Variants in PKHD1 observed in about 807,000 individuals in gnomAD.
PKHD1 encodes fibrocystin.
PKHD1 carries 291 observed loss-of-function variants against 412.0 expected under a neutral mutation model. The ratio of observed to expected loss-of-function variants is 0.71; its 90% CI spans 0.64 to 0.78. The LOEUF (loss-of-function observed/expected upper bound fraction) is 0.78. Ranked by LOEUF, PKHD1 falls within the 30% of genes least tolerant of loss-of-function variation. The pLI is 0.00. For missense variants in PKHD1, 4,825 were observed against 4,950.7 expected (o/e 0.97, Z 0.76); for synonymous variants, 1,777 against 1,821.5 (o/e 0.98, Z 0.62).
intron 60 of PKHD1, among the ~76,000 whole-genome samples, chr6:51,662,357 C>T (rs1284603588): frequency 1.3e-5 from 2 of 151,816 alleles, no homozygotes; most frequent in Non-Finnish European, 2.9e-5. Context: ...CGCACACACA[C>T]ATACAAGTAA....
At chr6:51,633,119 C>T (rs935708355) in intron 64 of PKHD1, among the ~76,000 whole-genome samples, 1 of 152,150 alleles carries the variant, frequency 6.6e-6, no homozygotes, top group African/African-American at 2.4e-5. Flanking sequence ...CTACTCAATA[C>T]GTGCCATATA....
Position 52,045,010 on chromosome 6 carries a change from G to A in PKHD1, c.2671C>T (p.Pro891Ser), listed in dbSNP as rs915359610. 6.2e-7 allele frequency: 1 copy of A among 1,613,626 alleles called. No homozygotes were observed. The highest frequency in any genetic ancestry group is 2.2e-5 in the East Asian group (1 of 44,874). ...VVYDGGVFLG[P>S]IFGDMLATAN... is the part of the protein sequence containing the mutation. ...GTAGCCAACATGTCTCCAAATATGG[G>A]TCCAAGAAAAACTCCACCATCATAT... The change falls in exon 25 of 67, where the codon CCC (proline) becomes TCC (serine). Residue 891 changes from proline (P) to serine (S), a missense_variant. Pro to Ser is a moderately conservative substitution (Grantham distance 74). Transcript: ENST00000371117.
intron 50 of PKHD1, among the ~76,000 whole-genome samples, chr6:51,841,028 A>C (rs1770095465): frequency 6.8e-6 from 1 of 147,526 alleles, no homozygotes; most frequent in Non-Finnish European, 1.5e-5. Context: ...AAAAATATTA[A>C]GTAAATAATC....
intron 33 of PKHD1, among the ~76,000 whole-genome samples, chr6:52,018,159 T>C (rs1246060411): frequency 6.6e-6 from 1 of 152,222 alleles, no homozygotes; most frequent in African/African-American, 2.4e-5. Flanking sequence ...CAATATTGTA[T>C]TGCATGAAAC....
intron 46 of PKHD1, among the ~76,000 whole-genome samples, chr6:51,881,959 T>A (rs4715253): frequency 6.6e-6 from 1 of 151,992 alleles, no homozygotes; most frequent in Non-Finnish European, 1.5e-5. Flanking sequence ...TTTTTGATTA[T>A]CTCATGATAG....
At chr6:51,684,358 T>G (rs1777137783) in intron 60 of PKHD1, among the ~76,000 whole-genome samples, 1 of 152,134 alleles carries the variant, frequency 6.6e-6, no homozygotes, top group Admixed American at 6.6e-5. Context: ...GGAGATTATT[T>G]GTTAATTGGA....
At chr6:51,726,305 T>C (rs1052100851) in intron 60 of PKHD1, among the ~76,000 whole-genome samples, 85 of 152,218 alleles carry the variant, frequency 5.6e-4, no homozygotes, top group Non-Finnish European at 2.8e-4. Flanking sequence ...AGCAGTTGTG[T>C]AGTAAATAAA....
chr6:51,890,239 A>T (rs968613934), intron 43 of PKHD1, among the ~76,000 whole-genome samples: 2 of 152,170 alleles, frequency 1.3e-5, no homozygotes, highest in African/African-American at 4.8e-5. Context: ...AGCCAGCTCC[A>T]TCCAAGTCCA....
At chr6:51,727,170 C>T (rs558456494) in intron 60 of PKHD1, among the ~76,000 whole-genome samples, 5 of 152,314 alleles carry the variant, frequency 3.3e-5, no homozygotes, top group Admixed American at 2.6e-4. Flanking sequence ...AGCTGAGCCT[C>T]AAACTGCATT....
chr6:51,896,782 T>C (rs1780118634), intron 43 of PKHD1, among the ~76,000 whole-genome samples: 1 of 150,630 alleles, frequency 6.6e-6, no homozygotes, highest in Admixed American at 6.6e-5. Flanking sequence ...TTTAGAAGAA[T>C]GTATAACTAG....
chr6:51,849,791 T>C (rs750630495), intron 49 of PKHD1, among the ~76,000 whole-genome samples: 1 of 152,240 alleles, frequency 6.6e-6, no homozygotes, highest in Non-Finnish European at 1.5e-5. Context: ...TTCTGGATAT[T>C]AGACTTCTGT....
chr6:52,035,160 C>T (rs1474446508), intron 28 of PKHD1, among the ~76,000 whole-genome samples: 1 of 152,204 alleles, frequency 6.6e-6, no homozygotes, highest in Non-Finnish European at 1.5e-5. Flanking sequence ...AAATCACACA[C>T]TCTAGAAGTT....
intron 50 of PKHD1, among the ~76,000 whole-genome samples, chr6:51,847,334 T>TA (rs1771370948): frequency 6.8e-6 from 1 of 147,404 alleles, no homozygotes; most frequent in Non-Finnish European, 1.5e-5. Flanking sequence ...ACTCCTAGAC[T>TA]AAAGCACAGC....
intron 61 of PKHD1, among the ~76,000 whole-genome samples, chr6:51,654,231 CAA>C (rs1299973346): frequency 1.3e-5 from 2 of 152,058 alleles, no homozygotes; most frequent in East Asian, 1.9e-4. Context: ...ATTTTATACT[CAA>C]GTTAATGTTA....
Position 52,055,868 on chromosome 6 carries a change from GAGTA to G in PKHD1, c.1694-143_1694-140del, listed in dbSNP as rs1807652292. 5.4e-5 allele frequency: 44 copies of G among 810,118 alleles called. No homozygotes were observed. The East Asian group carries it at 1.1e-3, about 21-fold the overall frequency. 50.2% of individuals were successfully genotyped at this position (810,118 alleles called of 1,614,324 possible). A position where few individuals can be genotyped will look rare whatever the true frequency, so the allele number is the denominator to read the frequency against. On this transcript the variant is annotated intron_variant, in intron 18 of 66. Coordinates refer to ENST00000371117, the MANE Select transcript of PKHD1 (RefSeq NM_138694.4). ...CTAACCCAATTACCCATGCAACCTT[GAGTA>G]AGTAACTCAACCTCTCTGAGCCTCA... is the stretch of plus-strand genomic sequence containing the variant.
chr6:51,934,414 A>G (rs1280270772), intron 36 of PKHD1, 92 bp from the exon 37 acceptor site: 1 of 806,548 alleles, frequency 1.2e-6, no homozygotes, highest in Non-Finnish European at 2.2e-6. Context: ...CTTCATTTAA[A>G]TACTTCTGCT....
In PKHD1 at chr6:51,631,879, C is replaced by T. The variant is rs537110190; in HGVS notation, c.11665+686G>A. The stretch of plus-strand genomic sequence containing the variant: ...AACAAACAAACAAACAAACTAAGCC[C>T]TCTCCCCTTTTAAAGGAGAAGAGGA... On this transcript the variant is annotated intron_variant, in intron 65 of 66. Coordinates refer to ENST00000371117, the MANE Select transcript of PKHD1 (RefSeq NM_138694.4). 5.7e-3 allele frequency among the ~76,000 whole-genome samples: 869 copies of T among 151,790 alleles called. 2 individuals carry two copies. Among genetic ancestry groups the T allele is most frequent in the Middle Eastern group, 0.01 (3 of 290 alleles).
chr6:51,752,124 C>T (rs1786203651), intron 57 of PKHD1, among the ~76,000 whole-genome samples: 1 of 152,136 alleles, frequency 6.6e-6, no homozygotes, highest in African/African-American at 2.4e-5. Flanking sequence ...CTTCCTGATT[C>T]CCCATCTTCC....
At chr6:51,666,805 T>A (rs1298494780) in intron 60 of PKHD1, among the ~76,000 whole-genome samples, 1 of 151,578 alleles carries the variant, frequency 6.6e-6, no homozygotes, top group Non-Finnish European at 1.5e-5. Flanking sequence ...TTTGGTTTTT[T>A]GTTCTTGCGA....
Sources: allele counts gnomAD v4.1 joint callset (sites outside exome capture counted in the v4.1 genomes callset), GRCh38; gene constraint gnomAD v4.1.1; transcripts MANE v1.5; gene names NCBI Gene and HGNC (gene_info 2026-07-23, HGNC 2026-07-21).